Variants in EDIL3 observed in about 807,000 individuals in gnomAD.
EDIL3 encodes the protein EGF-like repeat and discoidin I-like domain-containing protein 3.
EDIL3 carries 37 observed loss-of-function variants against 67.4 expected under a neutral mutation model. That is an observed-to-expected ratio of 0.55 (90% CI 0.42 to 0.72). EDIL3 has a LOEUF of 0.72. Among genes scored for constraint, EDIL3 ranks in the 30% least tolerant of loss-of-function variants. The probability of loss-of-function intolerance (pLI) is 0.00; values close to 1 mark genes in which losing one functional copy is unlikely to be tolerated. For missense variants in EDIL3, 527 were observed against 586.3 expected (o/e 0.90, Z 1.04); for synonymous variants, 195 against 196.3 (o/e 0.99, Z 0.05).
intron 9 of EDIL3, among the ~76,000 whole-genome samples, chr5:84,010,385 T>G (rs1430490462): frequency 6.6e-6 from 1 of 152,226 alleles, no homozygotes; most frequent in Non-Finnish European, 1.5e-5. Context: ...ATTTTGCTTG[T>G]GTACTTCCCT....
At chr5:84,098,479 A>G (rs1747305719) in intron 6 of EDIL3, among the ~76,000 whole-genome samples, 1 of 152,176 alleles carries the variant, frequency 6.6e-6, no homozygotes, top group South Asian at 2.1e-4. Flanking sequence ...TTAATCTTAC[A>G]AAATTGATAA....
chr5:84,322,718 G>A lies in EDIL3; in HGVS notation c.67+61590C>T, dbSNP rs573914165. Among the ~76,000 whole-genome samples, 7 of 152,076 alleles carry A rather than the reference G, an allele frequency of 4.6e-5. No homozygotes were observed. The South Asian group carries it at 6.2e-4, about 13-fold the overall frequency. ...CATAAATGTAAACATCCAAAAGGTC[G>A]ATGAACTTCAATTACAATGAATTCA... On this transcript the variant is annotated intron_variant, in intron 1 of 10. Transcript: ENST00000296591.
intron 1 of EDIL3, among the ~76,000 whole-genome samples, chr5:84,264,631 C>A (rs891495155): frequency 6.6e-6 from 1 of 152,108 alleles, no homozygotes; most frequent in African/African-American, 2.4e-5. Flanking sequence ...CTGAACTTTA[C>A]GCTTTTAGAT....
rs539605637 is a variant in EDIL3, at chr5:83,940,761, A to G, written c.*2658T>C. On this transcript the variant is annotated 3_prime_UTR_variant, in exon 11 of 11. Transcript: ENST00000296591. Reference sequence around the variant, plus strand: ...TTGTGTCTTAGTTATTTCTGCACTTAATGACACATCAGACGCATTGAGTAT... The same window carrying G: ...TTGTGTCTTAGTTATTTCTGCACTTGATGACACATCAGACGCATTGAGTAT... 6.6e-6 allele frequency: 1 copy of G among 152,108 alleles called. No homozygotes were observed. Among genetic ancestry groups the G allele is most frequent in the East Asian group, 1.9e-4 (1 of 5,176 alleles). 9.4% of individuals were successfully genotyped at this position (152,108 alleles called of 1,614,324 possible).
rs73134252 is a variant in EDIL3 at position 84,059,131 on chromosome 5, G to A, written c.1137+1169C>T. On this transcript the variant is annotated intron_variant, in intron 9 of 10. Transcript: ENST00000296591. The stretch of plus-strand genomic sequence containing the variant: ...AACTGAAAAAAGAAGCCTGATGTGG[G>A]GGCTTATGCCTGTAATCCCAAGACT... Among the ~76,000 whole-genome samples the A allele has an allele frequency of 1.1e-3, 160 of 152,126 alleles. 1 individual carries two copies. The highest frequency in any genetic ancestry group is 3.7e-3 in the African/African-American group (153 of 41,542).
chr5:84,366,941 C>T (rs1315771937), intron 1 of EDIL3, among the ~76,000 whole-genome samples: 3 of 152,132 alleles, frequency 2.0e-5, no homozygotes, highest in Non-Finnish European at 2.9e-5. Flanking sequence ...AAAATATTAG[C>T]AAATTACATT....
At chr5:84,048,347 C>A (rs1360576101) in intron 9 of EDIL3, 2 of 321,826 alleles carry the variant, frequency 6.2e-6, no homozygotes, top group Non-Finnish European at 1.2e-5. Context: ...CTAGAATACT[C>A]CCTTTTAAAA....
intron 9 of EDIL3, among the ~76,000 whole-genome samples, chr5:84,000,200 T>C (rs1234509990): frequency 6.6e-6 from 1 of 152,018 alleles, no homozygotes; most frequent in Non-Finnish European, 1.5e-5. Context: ...CAAGAAATCA[T>C]CTGAAGGTAC....
chr5:83,968,395 A>T (rs1443048336), intron 9 of EDIL3, among the ~76,000 whole-genome samples: 2 of 152,104 alleles, frequency 1.3e-5, no homozygotes, highest in Non-Finnish European at 2.9e-5. Flanking sequence ...TAAGACACTT[A>T]ACATAGCAAT....
intron 9 of EDIL3, among the ~76,000 whole-genome samples, chr5:84,017,131 T>C (rs190026514): frequency 6.6e-6 from 1 of 152,220 alleles, no homozygotes; most frequent in East Asian, 1.9e-4. Flanking sequence ...TTAATAAATC[T>C]TTCTGTTGAT....
chr5:84,308,112 C>T (rs574868472), intron 1 of EDIL3, among the ~76,000 whole-genome samples: 1 of 151,988 alleles, frequency 6.6e-6, no homozygotes, highest in Non-Finnish European at 1.5e-5. Context: ...ACCTACAAAA[C>T]TCAGTGTGAG....
intron 2 of EDIL3, among the ~76,000 whole-genome samples, chr5:84,252,493 C>CA (rs70975548): frequency 0.024 from 696 of 28,708 alleles, 82 homozygotes; most frequent in Admixed American, 0.049. Flanking sequence ...GACTCCGTCT[C>CA]AAAAAAAAAA....
chr5:84,075,727 G>A (rs768196525), intron 6 of EDIL3, among the ~76,000 whole-genome samples: 6 of 152,024 alleles, frequency 3.9e-5, no homozygotes, highest in Admixed American at 3.3e-4. Flanking sequence ...TGCCCGTCTC[G>A]GCCTCCCAGA....
intron 3 of EDIL3, among the ~76,000 whole-genome samples, chr5:84,216,300 T>C (rs566267061): frequency 5.0e-4 from 76 of 152,322 alleles, no homozygotes; most frequent in African/African-American, 1.8e-3. Flanking sequence ...CCACAATGTT[T>C]ATGTGATTCA....
At chr5:83,961,980 C>T (rs1389163326) in intron 10 of EDIL3, among the ~76,000 whole-genome samples, 1 of 151,280 alleles carries the variant, frequency 6.6e-6, no homozygotes, top group South Asian at 2.1e-4. Context: ...TGAGATGTTA[C>T]ATGGGTGTGT....
At chr5:84,000,007 G>A (rs936533837) in intron 9 of EDIL3, among the ~76,000 whole-genome samples, 21 of 147,322 alleles carry the variant, frequency 1.4e-4, no homozygotes, top group African/African-American at 3.7e-4. Context: ...AGTGCTAAAG[G>A]AAAAAAAAAA....
rs371740698 is a variant in EDIL3, at chr5:84,180,479, T to C, written c.269A>G (p.Glu90Gly). The C allele has an allele frequency of 6.2e-7, 1 of 1,608,054 alleles. No individual in the cohort carries two copies. Among genetic ancestry groups the C allele is most frequent in the African/African-American group, 1.3e-5 (1 of 74,742 alleles). ...PNPCHNGGTC[E>G]ISEAYRGDTF... ...ATCCCCTCGGTATGCTTCACTTATT[T>C]CACAGGTTCCTCCATTATGGCATGG... is the stretch of plus-strand genomic sequence containing the variant. The change falls in exon 4 of 11, where the codon GAA becomes GGA. Residue 90 changes from glutamate (E) to glycine (G), a missense_variant. By Grantham distance (98) the Glu-to-Gly change is moderately conservative. Coordinates refer to ENST00000296591, the MANE Select transcript of EDIL3 (RefSeq NM_005711.5).
intron 10 of EDIL3, among the ~76,000 whole-genome samples, chr5:83,952,047 T>C (rs541054707): frequency 1.3e-5 from 2 of 151,920 alleles, no homozygotes; most frequent in Admixed American, 1.3e-4. Flanking sequence ...CCATTCATTC[T>C]ACGGACTGTT....
chr5:84,368,219 T>G (rs558290370), intron 1 of EDIL3, among the ~76,000 whole-genome samples: 1 of 152,282 alleles, frequency 6.6e-6, no homozygotes, highest in Admixed American at 6.5e-5. Flanking sequence ...TTTTAAAACT[T>G]ACTGCAATGC....
Sources: gnomAD v4.1 joint callset for allele counts (sites outside exome capture counted in the v4.1 genomes callset) on GRCh38, gnomAD v4.1.1 for gene constraint, MANE v1.5 for transcripts, NCBI Gene and HGNC (gene_info 2026-07-23, HGNC 2026-07-21) for gene names.